Variants in CR1L observed in about 807,000 individuals in gnomAD.
CR1L encodes the protein complement component receptor 1-like protein.
A neutral mutation model predicts 62.3 loss-of-function variants in CR1L; 59 were observed. That is an observed-to-expected ratio of 0.95 (90% CI 0.77 to 1.18). The LOEUF (loss-of-function observed/expected upper bound fraction) is 1.18, where lower values mean the gene tolerates loss of function less well. CR1L is among the 50% of genes most tolerant of loss of function. CR1L has a pLI of 0.00. For synonymous variants in CR1L, 279 were observed against 248.7 expected (o/e 1.12, Z -1.15); for missense variants, 700 against 702.8 (o/e 1.00, Z 0.04).
chr1:207,662,793 C>A (rs1257542563), intron 1 of CR1L, among the ~76,000 whole-genome samples: 1 of 152,132 alleles, frequency 6.6e-6, no homozygotes, highest in African/African-American at 2.4e-5. Flanking sequence ...TACCTTTGGT[C>A]TTTGATGATG....
chr1:207,694,582 G>T lies in CR1L; in HGVS notation c.693G>T (p.Thr231=). ...AGTGCATTATACCTAACAAATGCACGCCTCCAAATGTGGAAAATGGAATAT... is the reference window on the plus strand; with the variant it reads ...AGTGCATTATACCTAACAAATGCACTCCTCCAAATGTGGAAAATGGAATAT... ...APQCIIPNKC[T]PPNVENGILV... Residue 231 remains threonine, a synonymous_variant, in exon 5 of 12, where the codon ACG becomes ACT. Transcript: ENST00000508064. 3 of 1,612,070 alleles carry T rather than the reference G, an allele frequency of 1.9e-6. No homozygotes were observed. The highest frequency in any genetic ancestry group is 2.5e-6 in the Non-Finnish European group (3 of 1,179,742).
chr1:207,685,572 T>C (rs1290107812), intron 4 of CR1L, among the ~76,000 whole-genome samples: 1 of 152,206 alleles, frequency 6.6e-6, no homozygotes, highest in African/African-American at 2.4e-5. Context: ...GCCATTACAA[T>C]TGTCTCTGGC....
At chr1:207,706,429 G>C (rs957600747) in intron 9 of CR1L, among the ~76,000 whole-genome samples, 1 of 151,502 alleles carries the variant, frequency 6.6e-6, no homozygotes, top group African/African-American at 2.4e-5. Flanking sequence ...TAAAAAAAAA[G>C]AAAAAGAGAA....
rs376987582 is a variant in CR1L, at chr1:207,678,218, C to A, written c.298C>A (p.Pro100Thr). The change falls in exon 3 of 12, where the codon CCA becomes ACA. Residue 100 changes from proline (P) to threonine (T), a missense_variant. By Grantham distance (38) the Pro-to-Thr change is conservative. Transcript: ENST00000508064. ...TGTAGGTAAATCATGTCGTAATCCT[C>A]CAGATCCTGTGAATGGCATGGCACA... The part of the protein sequence containing the change: ...KCKRKSCRNP[P>T]DPVNGMAHVI... 45 of 1,613,702 alleles carry A rather than the reference C, an allele frequency of 2.8e-5. No homozygotes were observed. The African/African-American group carries it at 5.9e-4, about 21-fold the overall frequency.
chr1:207,664,324 A>G (rs1663475566), intron 1 of CR1L, among the ~76,000 whole-genome samples: 1 of 152,254 alleles, frequency 6.6e-6, no homozygotes, highest in East Asian at 1.9e-4. Flanking sequence ...TCAAATCTCA[A>G]TCACTGGATT....
At chr1:207,718,633 G>C (rs915164435) in intron 11 of CR1L, among the ~76,000 whole-genome samples, 13 of 152,096 alleles carry the variant, frequency 8.5e-5, no homozygotes, top group African/African-American at 3.1e-4. Context: ...ATGTTGGCCC[G>C]GCTGGTCTCT....
chr1:207,699,173 C>A lies in CR1L; in HGVS notation c.1143-16C>A. On this transcript the variant is annotated splice_polypyrimidine_tract_variant and intron_variant, in intron 7 of 11. Transcript: ENST00000508064. ...GGCTGAAACAGCTCGCTATTCACTC[C>A]TATTTTCTTCTTTAGATTTCAATTA... The A allele has an allele frequency of 6.2e-7, 1 of 1,613,464 alleles. No individual in the cohort carries two copies. Among genetic ancestry groups the A allele is most frequent in the South Asian group, 1.1e-5 (1 of 91,072 alleles).
intron 1 of CR1L, among the ~76,000 whole-genome samples, chr1:207,652,218 G>A (rs1230995202): frequency 2.0e-5 from 3 of 152,222 alleles, no homozygotes; most frequent in Non-Finnish European, 2.9e-5. Context: ...TCTTAGAGGA[G>A]AAGTTACTTT....
At chr1:207,674,966 T>TA (rs1663666920) in intron 1 of CR1L, among the ~76,000 whole-genome samples, 1 of 152,094 alleles carries the variant, frequency 6.6e-6, no homozygotes, top group African/African-American at 2.4e-5. Flanking sequence ...CCAGACCCAC[T>TA]AAATCAGAGA....
intron 1 of CR1L, among the ~76,000 whole-genome samples, chr1:207,650,543 A>G (rs535842557): frequency 2.0e-5 from 3 of 146,468 alleles, no homozygotes; most frequent in African/African-American, 8.3e-5. Context: ...AGTGAGAAAT[A>G]AAATTGAAAT....
chr1:207,703,963 AAAAAG>A (rs1224642969), intron 9 of CR1L, among the ~76,000 whole-genome samples: 8 of 152,248 alleles, frequency 5.3e-5, no homozygotes, highest in Middle Eastern at 3.4e-3. Flanking sequence ...CAAAAAAAAG[AAAAAG>A]AAAAGAAAAG....
At chr1:207,714,542 G>C (rs556648970) in intron 10 of CR1L, among the ~76,000 whole-genome samples, 1 of 152,280 alleles carries the variant, frequency 6.6e-6, no homozygotes, top group South Asian at 2.1e-4. Context: ...CCACTGTCAA[G>C]TGGTATTATT....
intron 7 of CR1L, 65 bp from the exon 8 acceptor site, chr1:207,699,124 A>C: frequency 1.9e-6 from 3 of 1,604,570 alleles, no homozygotes; most frequent in Non-Finnish European, 2.6e-6. Context: ...GCTGGGCCTT[A>C]GATTGTGAAC....
rs571184417 is a variant in CR1L at position 207,712,173 on chromosome 1, A to G, written c.1414+3910A>G. On this transcript the variant is annotated intron_variant, in intron 10 of 11. Transcript: ENST00000508064. Reference sequence around the variant, plus strand: ...AGGGGCATGCCTGTCCCCAAACAGTATGACTGTACTTTAGTCATTGGTGTG... The same window carrying G: ...AGGGGCATGCCTGTCCCCAAACAGTGTGACTGTACTTTAGTCATTGGTGTG... 4.6e-5 allele frequency among the ~76,000 whole-genome samples: 7 copies of G among 152,332 alleles called. No individual in the cohort carries two copies. The South Asian group carries it at 1.2e-3, about 27-fold the overall frequency.
intron 3 of CR1L, among the ~76,000 whole-genome samples, chr1:207,682,014 G>A (rs529751560): frequency 1.6e-4 from 24 of 151,882 alleles, no homozygotes; most frequent in African/African-American, 4.8e-4. Context: ...GGGGCTAGGG[G>A]CGGGATAGCA....
chr1:207,697,735 T>C (rs751615670), intron 6 of CR1L, 36 bp from the exon 7 acceptor site: 1 of 1,614,046 alleles, frequency 6.2e-7, no homozygotes, highest in Non-Finnish European at 8.5e-7. Context: ...ATTCTCCACA[T>C]GCCAGTTATT....
At chr1:207,691,566 G>A (rs1342190823) in intron 4 of CR1L, among the ~76,000 whole-genome samples, 1 of 151,984 alleles carries the variant, frequency 6.6e-6, no homozygotes, top group Non-Finnish European at 1.5e-5. Context: ...TGTTTCATGT[G>A]TTTGTGCCTT....
intron 1 of CR1L, among the ~76,000 whole-genome samples, chr1:207,669,993 C>T (rs1288197170): frequency 6.6e-6 from 1 of 151,096 alleles, no homozygotes; most frequent in African/African-American, 2.5e-5. Flanking sequence ...ACACCTAAGT[C>T]TGTTTGCTCT....
chr1:207,679,267 A>G lies in CR1L; in HGVS notation c.377+970A>G, dbSNP rs181550601. On this transcript the variant is annotated intron_variant, in intron 3 of 11. Transcript: ENST00000508064. ...ATCCGCCCACCTCCCGGCCTCCCAA[A>G]GTGCTGGGATTACAGGCATGAGCCA... 2.4e-3 allele frequency among the ~76,000 whole-genome samples: 364 copies of G among 151,276 alleles called. 3 individuals carry two copies. The highest frequency in any genetic ancestry group is 8.5e-3 in the African/African-American group (349 of 41,092).
Sources: allele counts gnomAD v4.1 joint callset (sites outside exome capture counted in the v4.1 genomes callset), GRCh38; gene constraint gnomAD v4.1.1; transcripts MANE v1.5; gene names NCBI Gene and HGNC (gene_info 2026-07-23, HGNC 2026-07-21).